The following STX2 variants were observed in gnomAD, a reference collection of about 807,000 sequenced individuals.
STX2 encodes syntaxin-2.
A neutral mutation model predicts 40.6 loss-of-function variants in STX2; 27 were observed. The observed-to-expected ratio is 0.66, with a 90% CI of 0.49 to 0.92. The LOEUF is 0.92. Ranked by LOEUF, STX2 falls within the 40% of genes least tolerant of loss-of-function variation. STX2 has a pLI of 0.00. For missense variants in STX2, 328 were observed against 366.1 expected (o/e 0.90, Z 0.85); for synonymous variants, 123 against 119.1 (o/e 1.03, Z -0.22).
intron 10 of STX2, among the ~76,000 whole-genome samples, chr12:130,793,061 C>T (rs1950923881): frequency 6.6e-6 from 1 of 152,244 alleles, no homozygotes; most frequent in South Asian, 2.1e-4. Context: ...AATTACAGTT[C>T]CAAATGTACG....
intron 3 of STX2, among the ~76,000 whole-genome samples, chr12:130,818,183 A>ATATATATATAT (rs1184546368): frequency 9.4e-4 from 19 of 20,320 alleles, no homozygotes; most frequent in Admixed American, 1.4e-3. Context: ...AAAAAAAAAA[A>ATATATATATAT]AAATATATAT....
chr12:130,829,581 A>G (rs1412961907), intron 1 of STX2, among the ~76,000 whole-genome samples: 2 of 152,118 alleles, frequency 1.3e-5, no homozygotes, highest in African/African-American at 4.8e-5. Flanking sequence ...CCTCTCTTAG[A>G]AAGAGGATCT....
chr12:130,822,628 C>T (rs1055065046), intron 2 of STX2, among the ~76,000 whole-genome samples: 1 of 152,042 alleles, frequency 6.6e-6, no homozygotes, highest in Admixed American at 6.6e-5. Flanking sequence ...ATAATGACCC[C>T]AAAGATGTTC....
chr12:130,793,194 C>T (rs58030931), intron 10 of STX2, among the ~76,000 whole-genome samples: 7,788 of 152,252 alleles, frequency 0.051, 617 homozygotes, highest in African/African-American at 0.17. Context: ...CCAGTGACTC[C>T]TCAGGACCGG....
intron 1 of STX2, among the ~76,000 whole-genome samples, chr12:130,828,691 CCT>C (rs759124839): frequency 4.4e-4 from 66 of 151,220 alleles, no homozygotes; most frequent in Non-Finnish European, 6.8e-4. Flanking sequence ...ACGGTGAAAC[CCT>C]GTCTCTACTA....
rs1462811143 is a variant in STX2, at chr12:130,790,798, C to T, written c.*1225G>A. ...AATCTCCTATTTAGTGAAAAGAGACCACGGTCTTTACAGTGCAGTAACCAT... is the reference window on the plus strand; with the variant it reads ...AATCTCCTATTTAGTGAAAAGAGACTACGGTCTTTACAGTGCAGTAACCAT... On this transcript the variant is annotated 3_prime_UTR_variant, in exon 11 of 11. Transcript: ENST00000392373. 1 of 152,520 alleles carries T rather than the reference C, an allele frequency of 6.6e-6. No individual in the cohort carries two copies. The highest frequency in any genetic ancestry group is 6.6e-5 in the Admixed American group (1 of 15,254). The allele number at this position is 152,520 out of a possible 1,614,324, so 9.4% of individuals were successfully genotyped here.
intron 3 of STX2, among the ~76,000 whole-genome samples, chr12:130,816,435 C>T (rs2136300362): frequency 6.6e-6 from 1 of 152,270 alleles, no homozygotes; most frequent in East Asian, 1.9e-4. Flanking sequence ...AGCAACTCAT[C>T]AGCAAAACAA....
intron 1 of STX2, among the ~76,000 whole-genome samples, chr12:130,834,243 G>A (rs956431290): frequency 1.3e-5 from 2 of 152,052 alleles, no homozygotes; most frequent in African/African-American, 4.8e-5. Context: ...AATCAGCTGG[G>A]TGTCATGGGA....
intron 1 of STX2, among the ~76,000 whole-genome samples, chr12:130,828,253 CTG>C (rs1219585779): frequency 6.6e-6 from 1 of 152,082 alleles, no homozygotes; most frequent in Non-Finnish European, 1.5e-5. Context: ...AAGTCTCACT[CTG>C]TCGCCCAGGC....
At chr12:130,799,019 A>C (rs1951126522) in intron 8 of STX2, among the ~76,000 whole-genome samples, 1 of 152,242 alleles carries the variant, frequency 6.6e-6, no homozygotes, top group Non-Finnish European at 1.5e-5. Context: ...ACAAAGAATG[A>C]CATCTTTTCC....
At chr12:130,808,160 T>A (rs1338025248) in intron 5 of STX2, among the ~76,000 whole-genome samples, 1 of 152,152 alleles carries the variant, frequency 6.6e-6, no homozygotes, top group Non-Finnish European at 1.5e-5. Flanking sequence ...AGGCTCACAC[T>A]GGCCCACGTA....
rs1478983672 is a variant in STX2 at position 130,796,022 on chromosome 12, C to A, written c.*18G>T. ...CCACCCTGGCAGAGAGGCATGCACA[C>A]TGACGTTATCCACACCATCATTTGC... is the stretch of plus-strand genomic sequence containing the variant. On this transcript the variant is annotated 3_prime_UTR_variant, in exon 10 of 11. Transcript: ENST00000392373. The A allele has an allele frequency of 8.1e-6, 13 of 1,613,960 alleles. No individual in the cohort carries two copies. Among genetic ancestry groups the A allele is most frequent in the Non-Finnish European group, 1.1e-5 (13 of 1,179,954 alleles).
chr12:130,824,379 C>T (rs1204741424), intron 2 of STX2, among the ~76,000 whole-genome samples: 2 of 151,622 alleles, frequency 1.3e-5, no homozygotes, highest in Non-Finnish European at 2.9e-5. Flanking sequence ...AGCGAGGCTC[C>T]GTCTCAAAAA....
intron 6 of STX2, among the ~76,000 whole-genome samples, chr12:130,805,286 T>C (rs1951389518): frequency 6.6e-6 from 1 of 151,930 alleles, no homozygotes; most frequent in Non-Finnish European, 1.5e-5. Context: ...TACAAAACGA[T>C]TTCCAAGACA....
At chr12:130,804,920 G>C (rs1037618367) in intron 6 of STX2, among the ~76,000 whole-genome samples, 4 of 152,224 alleles carry the variant, frequency 2.6e-5, no homozygotes, top group Non-Finnish European at 4.4e-5. Flanking sequence ...GTGGGAAAGA[G>C]AGAAGAGACT....
At position 130,839,099 on chromosome 12, in the gene STX2, TC is replaced by T; in HGVS notation, c.-1del. 7.8e-7 allele frequency: 1 copy of T among 1,289,752 alleles called. No individual in the cohort carries two copies. Among genetic ancestry groups the T allele is most frequent in the Admixed American group, 3.2e-5 (1 of 31,602 alleles). 79.9% of individuals were successfully genotyped at this position (1,289,752 alleles called of 1,614,324 possible). ...GTCAGGTCTGGCAGCCGGTCCCGCATCCCCGCCGGCCGGGCAGCGCGCCCCG... is the reference window on the plus strand; with the variant it reads ...GTCAGGTCTGGCAGCCGGTCCCGCATCCCGCCGGCCGGGCAGCGCGCCCCG... On this transcript the variant is annotated 5_prime_UTR_variant, in exon 1 of 11. Transcript: ENST00000392373.
intron 9 of STX2, among the ~76,000 whole-genome samples, chr12:130,796,331 T>C (rs1041255562): frequency 1.3e-5 from 2 of 151,970 alleles, no homozygotes; most frequent in Non-Finnish European, 2.9e-5. Flanking sequence ...CTGTCTCTAC[T>C]AAAAATACAA....
chr12:130,798,855 G>C (rs1351447686), intron 8 of STX2, among the ~76,000 whole-genome samples: 1 of 152,156 alleles, frequency 6.6e-6, no homozygotes, highest in African/African-American at 2.4e-5. Flanking sequence ...AGAATGAAAA[G>C]GAATGGGCCA....
chr12:130,804,384 T>C (rs138750172), intron 6 of STX2, among the ~76,000 whole-genome samples: 159 of 152,274 alleles, frequency 1.0e-3, no homozygotes, highest in Non-Finnish European at 1.7e-3. Flanking sequence ...GATGCTCGAC[T>C]CGTGCATGCC....
Sources: allele counts gnomAD v4.1 joint callset (sites outside exome capture counted in the v4.1 genomes callset), GRCh38; gene constraint gnomAD v4.1.1; transcripts MANE v1.5; gene names NCBI Gene and HGNC (gene_info 2026-07-23, HGNC 2026-07-21).